Variants in OSBPL1A observed in about 807,000 individuals in gnomAD.
The protein encoded by OSBPL1A is oxysterol binding protein like 1A, also known as oxysterol-binding protein-related protein 1.
In OSBPL1A, 80 loss-of-function variants were observed where a neutral mutation model predicts 137.1. That is an observed-to-expected ratio of 0.58 (90% confidence interval 0.49 to 0.70). OSBPL1A has a LOEUF of 0.70. Among genes scored for constraint, OSBPL1A ranks in the 30% least tolerant of loss-of-function variants. The pLI, the probability that OSBPL1A is intolerant of heterozygous loss-of-function variation, is 0.00. For synonymous variants in OSBPL1A, 365 were observed against 389.7 expected, an observed-to-expected ratio of 0.94 and a Z score of 0.75; for missense variants, 970 against 1,129.4, an observed-to-expected ratio of 0.86 and a Z score of 2.02.
rs151164442 is a variant in OSBPL1A at position 24,237,957 on chromosome 18, A to T, written c.1444+1263T>A. Among the ~76,000 whole-genome samples the T allele has an allele frequency of 3.3e-5, 5 of 152,156 alleles. No homozygotes were observed. The East Asian group carries it at 9.7e-4, about 29-fold the overall frequency. On this transcript the variant is annotated intron_variant, in intron 16 of 27. Coordinates refer to ENST00000319481, the MANE Select transcript of OSBPL1A (RefSeq NM_080597.4). ...TCATCATTATAATCTTCTTTGTCCA[A>T]TTGTTCCCAAATCTGGCTATGAAAA...
chr18:24,334,363 A>T, intron 5 of OSBPL1A, 33 bp from the exon 6 acceptor site: 1 of 1,509,496 alleles, frequency 6.6e-7, no homozygotes, highest in African/African-American at 1.4e-5. Context: ...ATCCACTGCT[A>T]GTCAGGATCC....
intron 15 of OSBPL1A, among the ~76,000 whole-genome samples, chr18:24,243,459 C>T (rs2088779622): frequency 6.6e-6 from 1 of 152,120 alleles, no homozygotes; most frequent in African/African-American, 2.4e-5. Context: ...TAAGAATTAA[C>T]TAAAGTATCC....
intron 2 of OSBPL1A, among the ~76,000 whole-genome samples, chr18:24,375,575 T>C (rs1906046075): frequency 6.6e-6 from 1 of 152,178 alleles, no homozygotes; most frequent in South Asian, 2.1e-4. Context: ...GGTTAACTCC[T>C]ACTCTTTCAC....
At chr18:24,274,309 C>T (rs991923085) in intron 15 of OSBPL1A, among the ~76,000 whole-genome samples, 9 of 151,794 alleles carry the variant, frequency 5.9e-5, no homozygotes, top group African/African-American at 2.2e-4. Context: ...AAAGCCAGTT[C>T]CCATGATCCT....
At position 24,291,850 on chromosome 18, in the gene OSBPL1A, C is replaced by T. The variant is rs1049023569; in HGVS notation, c.1175-10902G>A. ...GGTGGATCACCTGAGGTCAGGAGTT[C>T]GAGACCAGCCTGGCCAATGTGGTGA... On this transcript the variant is annotated intron_variant, in intron 14 of 27. Coordinates refer to ENST00000319481, the MANE Select transcript of OSBPL1A (RefSeq NM_080597.4). 1.6e-4 allele frequency among the ~76,000 whole-genome samples: 24 copies of T among 149,710 alleles called. No individual in the cohort carries two copies. In the East Asian group the frequency reaches 4.7e-3, roughly 29 times the overall value.
intron 5 of OSBPL1A, 132 bp downstream of exon 5, chr18:24,341,415 C>T: frequency 1.6e-6 from 1 of 644,680 alleles, no homozygotes; most frequent in Admixed American, 2.9e-5. Flanking sequence ...TCAATGACTC[C>T]AAGATGACAT....
At chr18:24,326,034 G>A (rs773068940) in intron 7 of OSBPL1A, among the ~76,000 whole-genome samples, 41 of 151,228 alleles carry the variant, frequency 2.7e-4, no homozygotes, top group Non-Finnish European at 5.3e-4. Context: ...TTACAGGCGT[G>A]AGCCACCATA....
In OSBPL1A at chr18:24,226,358, A is replaced by AT. The variant is rs1183758942; in HGVS notation, c.1445-1161dup. Among the ~76,000 whole-genome samples the AT allele has an allele frequency of 3.3e-5, 5 of 152,138 alleles. No homozygotes were observed. In the East Asian group the frequency reaches 9.6e-4, roughly 29 times the overall value. On this transcript the variant is annotated intron_variant, in intron 16 of 27. Transcript: ENST00000319481. ...TGACTCCTTGTTTAATGTTTTATGT[A>AT]TTTTGGCTCAAAACAGCAGTCACTC...
At chr18:24,256,038 G>T (rs1002987448) in intron 15 of OSBPL1A, among the ~76,000 whole-genome samples, 1 of 151,988 alleles carries the variant, frequency 6.6e-6, no homozygotes. Context: ...CAAGTGACCC[G>T]CCCGCCTCAG....
In OSBPL1A at chr18:24,297,113, A is replaced by G. The variant is rs545511080; in HGVS notation, c.1174+6524T>C. Among the ~76,000 whole-genome samples the G allele has an allele frequency of 8.5e-5, 13 of 152,248 alleles. 1 individual carries two copies. In the South Asian group the frequency reaches 2.7e-3, roughly 32 times the overall value. Reference sequence around the variant, plus strand: ...GAATTCCAGTAGAATTCAGCTGTGAATACATCTGGTCATGGGCTTTTTTTG... The same window carrying G: ...GAATTCCAGTAGAATTCAGCTGTGAGTACATCTGGTCATGGGCTTTTTTTG... On this transcript the variant is annotated intron_variant, in intron 14 of 27. Transcript: ENST00000319481.
chr18:24,337,375 T>TAACATAACA (rs748388391), intron 5 of OSBPL1A, among the ~76,000 whole-genome samples: 3 of 141,408 alleles, frequency 2.1e-5, no homozygotes, highest in African/African-American at 8.1e-5. Context: ...AAACATAACA[T>TAACATAACA]TAACATAACA....
At chr18:24,317,241 C>G in intron 10 of OSBPL1A, 29 bp from the exon 11 acceptor site, 1 of 1,612,182 alleles carries the variant, frequency 6.2e-7, no homozygotes, top group Non-Finnish European at 8.5e-7. Flanking sequence ...ATTATCAAGA[C>G]AAAAGGAAAA....
intron 20 of OSBPL1A, 48 bp downstream of exon 20, chr18:24,179,687 TCTC>T: frequency 6.9e-7 from 1 of 1,457,874 alleles, no homozygotes. Context: ...TGTATGTATT[TCTC>T]CTCTTCATCT....
Position 24,333,073 on chromosome 18 carries a change from T to C in OSBPL1A, c.494A>G (p.Asn165Ser). 2.5e-6 allele frequency: 4 copies of C among 1,613,112 alleles called. No individual in the cohort carries two copies. The highest frequency in any genetic ancestry group is 2.2e-5 in the East Asian group (1 of 44,872). The change falls in exon 7 of 28, where the codon AAT becomes AGT. Residue 165 changes from asparagine to serine, a missense_variant. Asn to Ser is a conservative substitution (Grantham distance 46). This residue lies in a region of OSBPL1A where 647 missense variants were observed against 672.6 expected (regional missense o/e 0.96). Coordinates refer to ENST00000319481, the MANE Select transcript of OSBPL1A (RefSeq NM_080597.4). Reference protein sequence around the residue: ...TELTALLNRPNPPDVNCSDQL... With the variant: ...TELTALLNRPSPPDVNCSDQL... Reference sequence around the variant, plus strand: ...ATCCGAACAGTTAACATCAGGAGGATTGGGCCTGTTGAGCTAACAATTAAA... The same window carrying C: ...ATCCGAACAGTTAACATCAGGAGGACTGGGCCTGTTGAGCTAACAATTAAA...
chr18:24,221,741 A>T (rs1020262269), intron 17 of OSBPL1A, among the ~76,000 whole-genome samples: 1 of 152,186 alleles, frequency 6.6e-6, no homozygotes, highest in Non-Finnish European at 1.5e-5. Context: ...TATTACATAT[A>T]CCAGGACAAT....
At chr18:24,223,232 A>C (rs1010417512) in intron 17 of OSBPL1A, among the ~76,000 whole-genome samples, 1 of 152,126 alleles carries the variant, frequency 6.6e-6, no homozygotes, top group Non-Finnish European at 1.5e-5. Context: ...GATAGCACTG[A>C]ATACTCTTGT....
At chr18:24,388,654 G>C (rs1415844809) in intron 1 of OSBPL1A, among the ~76,000 whole-genome samples, 1 of 151,840 alleles carries the variant, frequency 6.6e-6, no homozygotes, top group Non-Finnish European at 1.5e-5. Flanking sequence ...ACAAAAATTA[G>C]CCAGGCGTGG....
At chr18:24,224,916 G>T in intron 17 of OSBPL1A, 126 bp downstream of exon 17, 1 of 1,212,178 alleles carries the variant, frequency 8.2e-7, no homozygotes. Flanking sequence ...TGCTTTCTTT[G>T]AGGTGATATA....
chr18:24,182,990 T>G (rs2086647031), intron 18 of OSBPL1A, among the ~76,000 whole-genome samples: 1 of 152,040 alleles, frequency 6.6e-6, no homozygotes, highest in African/African-American at 2.4e-5. Context: ...TGCCTCAGCC[T>G]CCGGAGTAGC....
Sources: gnomAD v4.1 joint callset for allele counts (sites outside exome capture counted in the v4.1 genomes callset) on GRCh38, gnomAD v4.1.1 for gene constraint, gnomAD v4.1.1 regional missense constraint, MANE v1.5 for transcripts, NCBI Gene and HGNC (gene_info 2026-07-23, HGNC 2026-07-21) for gene names.